The following LAMA3 variants were observed in gnomAD, a reference collection of about 807,000 sequenced individuals.
LAMA3 encodes laminin subunit alpha 3.
A neutral mutation model predicts 402.0 loss-of-function variants in LAMA3; 281 were observed. That is an observed-to-expected ratio of 0.70 (90% CI 0.63 to 0.77). The LOEUF is 0.77. Among genes scored for constraint, LAMA3 ranks in the 30% least tolerant of loss-of-function variants. The probability of loss-of-function intolerance (pLI) is 0.00; values close to 1 mark genes in which losing one functional copy is unlikely to be tolerated. For missense variants in LAMA3, 3,840 were observed against 4,215.5 expected (o/e 0.91, Z 2.47); for synonymous variants, 1,431 against 1,558.4 (o/e 0.92, Z 1.93).
intron 12 of LAMA3, chr18:23,795,938 G>T (rs942286801): frequency 3.7e-6 from 1 of 269,218 alleles, no homozygotes; most frequent in Admixed American, 4.7e-5. Flanking sequence ...TAAGGGTGGA[G>T]CCCTGATCTG....
chr18:23,768,996 G>A (rs187647462), intron 8 of LAMA3, among the ~76,000 whole-genome samples: 1 of 152,310 alleles, frequency 6.6e-6, no homozygotes, highest in Non-Finnish European at 1.5e-5. Flanking sequence ...AGAGGGGAGA[G>A]CGAAGAAGGG....
In LAMA3 at chr18:23,763,453, T is replaced by C; in HGVS notation, c.1112T>C (p.Val371Ala). The C allele has an allele frequency of 6.2e-7, 1 of 1,614,142 alleles. No homozygotes were observed. The highest frequency in any genetic ancestry group is 8.5e-7 in the Non-Finnish European group (1 of 1,179,978). The change falls in exon 8 of 75, where the codon GTT becomes GCT. Residue 371 changes from valine (V) to alanine (A), a missense_variant. Val to Ala is a moderately conservative substitution (Grantham distance 64). Coordinates refer to ENST00000313654, the MANE Select transcript of LAMA3 (RefSeq NM_198129.4). ...AGCAACTGTTACTATGATCCAGATG[T>C]TGAGCGGCAGCAGGCAAGCTTGAAT... ...HASNCYYDPDVERQQASLNTQ... is the reference protein window; with the variant it reads ...HASNCYYDPDAERQQASLNTQ...
Position 23,707,018 on chromosome 18 carries a change from C to T in LAMA3, c.295-6902C>T, listed in dbSNP as rs1270967859. Reference sequence around the variant, plus strand: ...ACTTAAACCCTGGAGGCAGAGGTTGCAGTGAGCCAAGATCGCACCATTGCA... The same window carrying T: ...ACTTAAACCCTGGAGGCAGAGGTTGTAGTGAGCCAAGATCGCACCATTGCA... On this transcript the variant is annotated intron_variant, in intron 1 of 74. Transcript: ENST00000313654. Among the ~76,000 whole-genome samples the T allele has an allele frequency of 2.0e-5, 3 of 152,228 alleles. No homozygotes were observed. The East Asian group carries it at 5.8e-4, about 29-fold the overall frequency.
chr18:23,931,397 C>A, intron 65 of LAMA3, 196 bp downstream of exon 65: 1 of 586,856 alleles, frequency 1.7e-6, no homozygotes, highest in South Asian at 2.0e-5. Context: ...TGGCTCATGT[C>A]TGTAATCCCA....
At chr18:23,921,793 ATG>A (rs1286244193) in intron 62 of LAMA3, among the ~76,000 whole-genome samples, 1 of 152,196 alleles carries the variant, frequency 6.6e-6, no homozygotes, top group Non-Finnish European at 1.5e-5. Context: ...GGGTGGGGGA[ATG>A]TGTGTCACCG....
intron 18 of LAMA3, among the ~76,000 whole-genome samples, chr18:23,817,462 G>T (rs569411541): frequency 3.9e-5 from 6 of 152,270 alleles, no homozygotes; most frequent in African/African-American, 1.4e-4. Context: ...GTCAGAGCAG[G>T]CTGGGAGTGA....
chr18:23,862,353 G>A (rs781432548), intron 35 of LAMA3, among the ~76,000 whole-genome samples: 35 of 152,248 alleles, frequency 2.3e-4, no homozygotes, highest in Admixed American at 3.3e-4. Flanking sequence ...TATGCCAGAG[G>A]CTGGCCACCT....
chr18:23,820,832 G>GT lies in LAMA3; in HGVS notation c.2304+836dup, dbSNP rs541711580. On this transcript the variant is annotated intron_variant, in intron 19 of 74. Transcript: ENST00000313654. ...TTGCTGTTGCTACCCCAGTCAGCCT[G>GT]TAGAGAAGCTGGAACAGGGCCACAG... 3.5e-3 allele frequency among the ~76,000 whole-genome samples: 540 copies of GT among 152,212 alleles called. 2 individuals carry two copies. The highest frequency in any genetic ancestry group is 5.5e-3 in the Non-Finnish European group (374 of 67,992).
At chr18:23,906,396 C>G (rs1249716910) in intron 52 of LAMA3, among the ~76,000 whole-genome samples, 1 of 152,144 alleles carries the variant, frequency 6.6e-6, no homozygotes, top group Non-Finnish European at 1.5e-5. Flanking sequence ...ATTTTTTAAG[C>G]ATAAATTTTA....
chr18:23,854,574 G>A (rs1045443336), intron 32 of LAMA3, among the ~76,000 whole-genome samples: 11 of 151,836 alleles, frequency 7.2e-5, no homozygotes, highest in Non-Finnish European at 1.5e-4. Flanking sequence ...CCGGGAGGCG[G>A]AGCTTGCAGT....
At chr18:23,833,182 C>G (rs1404028352) in intron 23 of LAMA3, among the ~76,000 whole-genome samples, 1 of 152,058 alleles carries the variant, frequency 6.6e-6, no homozygotes. Context: ...TTTTGCAGGC[C>G]CTGTGGTCTC....
intron 1 of LAMA3, among the ~76,000 whole-genome samples, chr18:23,698,520 C>A (rs1445395989): frequency 6.6e-6 from 1 of 152,144 alleles, no homozygotes; most frequent in African/African-American, 2.4e-5. Context: ...TCTTTTTTAT[C>A]TCTTGCCTGC....
intron 1 of LAMA3, among the ~76,000 whole-genome samples, chr18:23,698,659 G>A (rs2060732518): frequency 1.3e-5 from 2 of 152,396 alleles, no homozygotes; most frequent in South Asian, 4.1e-4. Flanking sequence ...TCTTAAAGTA[G>A]ATTCCAATCA....
At chr18:23,902,585 GGCA>G (rs2081108759) in intron 48 of LAMA3, among the ~76,000 whole-genome samples, 1 of 152,146 alleles carries the variant, frequency 6.6e-6, no homozygotes. Context: ...TCTGAACTCT[GGCA>G]GCCTTCCAGC....
At position 23,847,605 on chromosome 18, in the gene LAMA3, G is replaced by A; in HGVS notation, c.4073G>A (p.Cys1358Tyr). 6.2e-7 allele frequency: 1 copy of A among 1,614,100 alleles called. No individual in the cohort carries two copies. The highest frequency in any genetic ancestry group is 1.7e-5 in the Admixed American group (1 of 60,026). ...ATGGCCGGCTGCGAAGGCTGCAACT[G>A]TTCCAGGAGGGGCACCATCGAGGCT... ...HPMAGCEGCN[C>Y]SRRGTIEAAM... The change falls in exon 32 of 75, where the codon TGT becomes TAT. Residue 1358 changes from cysteine to tyrosine, a missense_variant. Cys to Tyr is a radical substitution (Grantham distance 194). Transcript: ENST00000313654.
In LAMA3 at chr18:23,749,485, G is replaced by A. The variant is rs758763131; in HGVS notation, c.623G>A (p.Arg208Gln). Residue 208 changes from arginine to glutamine, a missense_variant, in exon 4 of 75, where the codon CGG (arginine) becomes CAG (glutamine). Physicochemically the swap from Arg to Gln is conservative, Grantham distance 43 (BLOSUM62 1). Around this residue, in one of 3 missense-constraint regions of LAMA3, gnomAD observed 2,109 missense variants for 2,376.0 expected, o/e 0.89. Coordinates refer to ENST00000313654, the MANE Select transcript of LAMA3 (RefSeq NM_198129.4). ...FGREANMAVTRDDDVLCVTEY... is the reference protein window; with the variant it reads ...FGREANMAVTQDDDVLCVTEY... ...CGGGAGGCAAATATGGCTGTCACCC[G>A]GGATGATGATGTACTTTGTGTTACT... is the stretch of plus-strand genomic sequence containing the variant. 7.4e-6 allele frequency: 12 copies of A among 1,613,250 alleles called. No homozygotes were observed. Among genetic ancestry groups the A allele is most frequent in the Middle Eastern group, 3.3e-4 (2 of 6,080 alleles).
chr18:23,700,940 C>T (rs2060780523), intron 1 of LAMA3, among the ~76,000 whole-genome samples: 1 of 152,186 alleles, frequency 6.6e-6, no homozygotes, highest in Admixed American at 6.6e-5. Context: ...TCAATCTATC[C>T]TCTCATCTCC....
At chr18:23,939,487 A>G (rs1163077122) in intron 68 of LAMA3, 101 bp downstream of exon 68, 2 of 1,259,622 alleles carry the variant, frequency 1.6e-6, no homozygotes, top group Non-Finnish European at 2.3e-6. Flanking sequence ...GCTCTCTCTA[A>G]TGAAGGTGGC....
rs2061499569 is a variant in LAMA3 at position 23,737,749 on chromosome 18, G to A, written c.448-10194G>A. 2.0e-5 allele frequency among the ~76,000 whole-genome samples: 3 copies of A among 152,382 alleles called. No homozygotes were observed. In the South Asian group the frequency reaches 6.2e-4, roughly 32 times the overall value. Reference sequence around the variant, plus strand: ...CTCAGAGGATTCCTGCTGCAGGTGAGAAGCGAGCCAGAAGACTGAGTGCGT... The same window carrying A: ...CTCAGAGGATTCCTGCTGCAGGTGAAAAGCGAGCCAGAAGACTGAGTGCGT... On this transcript the variant is annotated intron_variant, in intron 2 of 74. Transcript: ENST00000313654.
Sources: allele counts gnomAD v4.1 joint callset (sites outside exome capture counted in the v4.1 genomes callset), GRCh38; gene constraint gnomAD v4.1.1; regional missense constraint gnomAD v4.1.1; transcripts MANE v1.5; gene names NCBI Gene and HGNC (gene_info 2026-07-23, HGNC 2026-07-21).